Variants in HIKESHI observed in about 807,000 individuals in gnomAD.
HIKESHI encodes protein Hikeshi.
In HIKESHI, 13 loss-of-function variants were observed where a neutral mutation model predicts 25.7. The observed-to-expected ratio is 0.51, with a 90% CI of 0.33 to 0.80. The LOEUF (loss-of-function observed/expected upper bound fraction) is 0.80. Among genes scored for constraint, HIKESHI ranks in the 30% least tolerant of loss-of-function variants. The pLI is 0.02. For missense variants in HIKESHI, 174 were observed against 229.5 expected, an observed-to-expected ratio of 0.76 and a Z score of 1.56; for synonymous variants, 76 against 78.7, an observed-to-expected ratio of 0.97 and a Z score of 0.18.
chr11:86,324,957 T>G (rs900371639), intron 2 of HIKESHI, among the ~76,000 whole-genome samples: 1 of 152,046 alleles, frequency 6.6e-6, no homozygotes, highest in African/African-American at 2.4e-5. Context: ...GGTGGATGGA[T>G]CACTTGAGCC....
Position 86,302,307 on chromosome 11 carries a change from G to A in HIKESHI, c.-142G>A, listed in dbSNP as rs1946513830. ...TCGCGGGGGCAGAGGCATTCTTGCC[G>A]CTGGCCCAGTCACTATGTAGTGGAG... On this transcript the variant is annotated 5_prime_UTR_variant, in exon 1 of 5. Transcript: ENST00000278483. 1 of 984,534 alleles carries A rather than the reference G, an allele frequency of 1.0e-6. No individual in the cohort carries two copies. The highest frequency in any genetic ancestry group is 1.5e-6 in the Non-Finnish European group (1 of 646,932). The allele number at this position is 984,534 out of a possible 1,614,324, so 61.0% of individuals were successfully genotyped here. A position where few individuals can be genotyped will look rare whatever the true frequency, so the allele number is the denominator to read the frequency against.
Position 86,306,245 on chromosome 11 carries a change from G to T in HIKESHI, c.31G>T (p.Val11Leu). ...CTGAGACAAGTTTCTTATTTTCTAG[G>T]TGCAAACAGCTGCACAGCAAGTGGC... is the stretch of plus-strand genomic sequence containing the variant. MFGCLVAGRL[V>L]QTAAQQVAED... Residue 11 changes from valine (V) to leucine (L), a missense_variant and splice_region_variant, in exon 2 of 5, where the codon GTG becomes TTG. Coordinates refer to ENST00000278483, the MANE Select transcript of HIKESHI (RefSeq NM_016401.4). The T allele has an allele frequency of 6.2e-7, 1 of 1,607,430 alleles. No homozygotes were observed.
At chr11:86,329,055 CTCTT>C (rs1215830330) in intron 2 of HIKESHI, among the ~76,000 whole-genome samples, 1 of 151,938 alleles carries the variant, frequency 6.6e-6, no homozygotes, top group Non-Finnish European at 1.5e-5. Context: ...TGTTTAGTTA[CTCTT>C]TCTTTTCCTC....
chr11:86,337,605 G>GATTT, intron 3 of HIKESHI, 75 bp downstream of exon 3: 1 of 1,372,614 alleles, frequency 7.3e-7, no homozygotes. Context: ...AGTTAAAATC[G>GATTT]TAACTTAGGG....
intron 2 of HIKESHI, among the ~76,000 whole-genome samples, chr11:86,308,811 C>A (rs1946755491): frequency 6.6e-6 from 1 of 151,914 alleles, no homozygotes; most frequent in Non-Finnish European, 1.5e-5. Flanking sequence ...TGAGTGAGAA[C>A]ATGCAGTGTT....
At chr11:86,303,517 T>C in intron 1 of HIKESHI, 1 of 375,174 alleles carries the variant, frequency 2.7e-6, no homozygotes, top group Non-Finnish European at 3.7e-6. Context: ...GGAATGATTG[T>C]GTGACTCAGA....
At chr11:86,310,426 G>A (rs1489197330) in intron 2 of HIKESHI, among the ~76,000 whole-genome samples, 1 of 152,192 alleles carries the variant, frequency 6.6e-6, no homozygotes, top group Non-Finnish European at 1.5e-5. Context: ...TGTATCCTGA[G>A]ACTTTGCTGA....
chr11:86,315,328 C>CT (rs374495582), intron 2 of HIKESHI, among the ~76,000 whole-genome samples: 16 of 149,078 alleles, frequency 1.1e-4, no homozygotes, highest in Non-Finnish European at 1.8e-4. Context: ...AAATAACTTC[C>CT]TTTTTTTTTT....
At chr11:86,341,482 A>T (rs1391429627) in intron 3 of HIKESHI, among the ~76,000 whole-genome samples, 4 of 141,440 alleles carry the variant, frequency 2.8e-5, no homozygotes, top group African/African-American at 1.0e-4. Context: ...TCCACTTGGA[A>T]TTCTCCTTTT....
intron 3 of HIKESHI, among the ~76,000 whole-genome samples, chr11:86,341,601 T>C (rs1275243513): frequency 6.6e-6 from 1 of 151,982 alleles, no homozygotes; most frequent in Non-Finnish European, 1.5e-5. Context: ...CTCCCACTAG[T>C]AGCTGGTAGC....
intron 1 of HIKESHI, among the ~76,000 whole-genome samples, chr11:86,304,492 T>G (rs904632840): frequency 6.6e-6 from 1 of 151,048 alleles, no homozygotes; most frequent in African/African-American, 2.4e-5. Context: ...CAGCTGCCAG[T>G]GTGTGAGTTG....
intron 2 of HIKESHI, among the ~76,000 whole-genome samples, chr11:86,320,397 G>C (rs1315415567): frequency 1.3e-5 from 2 of 152,114 alleles, no homozygotes; most frequent in Non-Finnish European, 2.9e-5. Flanking sequence ...GGCTAACGTG[G>C]TGAAACCCTG....
chr11:86,316,488 G>T (rs1946981468), intron 2 of HIKESHI, among the ~76,000 whole-genome samples: 1 of 151,896 alleles, frequency 6.6e-6, no homozygotes, highest in Non-Finnish European at 1.5e-5. Flanking sequence ...CTCCAGCCTG[G>T]GCGACAGAGT....
chr11:86,305,917 AT>A, intron 1 of HIKESHI, among the ~76,000 whole-genome samples: 1 of 151,676 alleles, frequency 6.6e-6, no homozygotes, highest in Non-Finnish European at 1.5e-5. Flanking sequence ...TAGTTTTTGT[AT>A]TTTTAGGAGA....
chr11:86,339,081 T>A (rs183902173), intron 3 of HIKESHI, among the ~76,000 whole-genome samples: 7 of 152,356 alleles, frequency 4.6e-5, no homozygotes, highest in Non-Finnish European at 8.8e-5. Context: ...AGTCTCACTC[T>A]GTCGCCCAGG....
chr11:86,327,779 T>C (rs937732410), intron 2 of HIKESHI, among the ~76,000 whole-genome samples: 1 of 152,230 alleles, frequency 6.6e-6, no homozygotes, highest in Admixed American at 6.5e-5. Context: ...TGGGTTTCCA[T>C]TTTTTAATTG....
chr11:86,322,715 G>A (rs2138355878), intron 2 of HIKESHI, among the ~76,000 whole-genome samples: 1 of 152,138 alleles, frequency 6.6e-6, no homozygotes, highest in Admixed American at 6.5e-5. Flanking sequence ...TCTCCTAGAG[G>A]TTTTAATAGT....
intron 2 of HIKESHI, among the ~76,000 whole-genome samples, chr11:86,336,265 A>G (rs1947556746): frequency 6.6e-6 from 1 of 152,216 alleles, no homozygotes; most frequent in South Asian, 2.1e-4. Context: ...CAGTGTAATG[A>G]GAGTAACATA....
At chr11:86,311,600 A>C (rs1946836187) in intron 2 of HIKESHI, among the ~76,000 whole-genome samples, 1 of 152,096 alleles carries the variant, frequency 6.6e-6, no homozygotes, top group Admixed American at 6.5e-5. Context: ...GCCTTCTGCT[A>C]GCTTTTGAAT....
Sources: gnomAD v4.1 joint callset for allele counts (sites outside exome capture counted in the v4.1 genomes callset) on GRCh38, gnomAD v4.1.1 for gene constraint, MANE v1.5 for transcripts, NCBI Gene and HGNC (gene_info 2026-07-23, HGNC 2026-07-21) for gene names.